The following TRDN variants were observed in gnomAD, a reference collection of about 807,000 sequenced individuals.
TRDN encodes the protein triadin in skeletal muscle.
A neutral mutation model predicts 149.7 loss-of-function variants in TRDN; 161 were observed. That is an observed-to-expected ratio of 1.08 (90% CI 0.95 to 1.23). The LOEUF is 1.23. Ranked by LOEUF, TRDN falls within the 50% of genes most tolerant of loss-of-function variation. TRDN has a pLI of 0.00. For missense variants in TRDN, 896 were observed against 823.5 expected (o/e 1.09, Z -1.08); for synonymous variants, 294 against 250.5 (o/e 1.17, Z -1.64).
intron 27 of TRDN, among the ~76,000 whole-genome samples, chr6:123,273,768 T>G (rs1166082624): frequency 6.6e-6 from 1 of 152,044 alleles, no homozygotes; most frequent in Non-Finnish European, 1.5e-5. Flanking sequence ...TATTCTTGAT[T>G]TGTTGATATT....
At chr6:123,423,265 C>T (rs942329123) in intron 12 of TRDN, among the ~76,000 whole-genome samples, 10 of 152,032 alleles carry the variant, frequency 6.6e-5, no homozygotes, top group Non-Finnish European at 1.5e-4. Context: ...GTTACCCCTG[C>T]TTTTAGTTAT....
At chr6:123,321,709 ATAG>A (rs1779250268) in intron 23 of TRDN, among the ~76,000 whole-genome samples, 1 of 152,076 alleles carries the variant, frequency 6.6e-6, no homozygotes, top group Non-Finnish European at 1.5e-5. Context: ...GTCACTCCAA[ATAG>A]CTTGACTTCA....
chr6:123,395,642 C>T (rs1388674557), intron 12 of TRDN, among the ~76,000 whole-genome samples: 1 of 152,094 alleles, frequency 6.6e-6, no homozygotes, highest in Non-Finnish European at 1.5e-5. Flanking sequence ...AAACAGTCCA[C>T]AAATGCACAC....
At chr6:123,515,384 A>G (rs1408526041) in intron 6 of TRDN, among the ~76,000 whole-genome samples, 1 of 152,116 alleles carries the variant, frequency 6.6e-6, no homozygotes, top group East Asian at 1.9e-4. Flanking sequence ...AACTTTAACA[A>G]TTAACTAGAT....
rs1198281141 is a variant in TRDN at position 123,611,156 on chromosome 6, T to C, written c.22+25598A>G. ...TAGGAACTTCATAATTCCTGTAAAA[T>C]ACTAAAATGTGATTAGTATGCAAAT... On this transcript the variant is annotated intron_variant, in intron 1 of 40. Coordinates refer to ENST00000334268, the MANE Select transcript of TRDN (RefSeq NM_006073.4). 1.3e-5 allele frequency among the ~76,000 whole-genome samples: 2 copies of C among 152,202 alleles called. 1 individual carries two copies. Among genetic ancestry groups the C allele is most frequent in the African/African-American group, 4.8e-5 (2 of 41,458 alleles).
chr6:123,278,261 T>A, intron 26 of TRDN, 57 bp downstream of exon 26: 2 of 1,146,524 alleles, frequency 1.7e-6, no homozygotes, highest in Non-Finnish European at 2.4e-6. Flanking sequence ...AAAGAGATAT[T>A]GTGCTATTTA....
intron 24 of TRDN, among the ~76,000 whole-genome samples, chr6:123,313,917 C>A (rs1778924846): frequency 6.6e-6 from 1 of 151,974 alleles, no homozygotes; most frequent in Admixed American, 6.6e-5. Context: ...AGAGGCAATA[C>A]CATTCAGGAC....
intron 14 of TRDN, among the ~76,000 whole-genome samples, chr6:123,382,426 T>C (rs778502179): frequency 6.6e-6 from 1 of 151,676 alleles, no homozygotes; most frequent in Non-Finnish European, 1.5e-5. Context: ...TATACCCACA[T>C]ATAATTTATA....
At chr6:123,369,459 C>T (rs9320931) in intron 19 of TRDN, among the ~76,000 whole-genome samples, 51,980 of 151,850 alleles carry the variant, frequency 0.34, 9,502 homozygotes, top group East Asian at 0.72. Context: ...GAGCAGTCAT[C>T]GAAGCTGAAG....
At chr6:123,554,508 T>G (rs1157819606) in intron 2 of TRDN, among the ~76,000 whole-genome samples, 1 of 152,184 alleles carries the variant, frequency 6.6e-6, no homozygotes, top group Non-Finnish European at 1.5e-5. Flanking sequence ...TATTTTTGCT[T>G]CTGTTGGTGA....
At position 123,217,475 on chromosome 6, in the gene TRDN, T is replaced by A. The variant is rs1213646021; in HGVS notation, c.*1126A>T. ...TGACTTTTAGAGTTGATAAAAACAATGTAGTAAAGAACACGAGTATTTATA... is the reference window on the plus strand; with the variant it reads ...TGACTTTTAGAGTTGATAAAAACAAAGTAGTAAAGAACACGAGTATTTATA... On this transcript the variant is annotated 3_prime_UTR_variant, in exon 41 of 41. Coordinates refer to ENST00000334268, the MANE Select transcript of TRDN (RefSeq NM_006073.4). The A allele has an allele frequency of 6.6e-6, 1 of 151,876 alleles. No homozygotes were observed. The highest frequency in any genetic ancestry group is 2.1e-4 in the South Asian group (1 of 4,836). The allele number at this position is 151,876 out of a possible 1,614,324, so 9.4% of individuals were successfully genotyped here.
intron 3 of TRDN, 103 bp from the exon 4 acceptor site, chr6:123,547,475 T>C (rs551349971): frequency 4.1e-5 from 28 of 685,208 alleles, no homozygotes; most frequent in Non-Finnish European, 6.0e-5. Context: ...AATCTATTAG[T>C]TTTAACAATC....
At chr6:123,335,541 T>A (rs138489095) in intron 22 of TRDN, among the ~76,000 whole-genome samples, 48 of 152,014 alleles carry the variant, frequency 3.2e-4, no homozygotes, top group African/African-American at 1.1e-3. Flanking sequence ...CTTAATGAAG[T>A]GGTCAGTGTG....
chr6:123,571,229 A>G, intron 1 of TRDN, 97 bp from the exon 2 acceptor site: 1 of 1,293,994 alleles, frequency 7.7e-7, no homozygotes, highest in Non-Finnish European at 1.1e-6. Context: ...ACCTGTTTAT[A>G]CTGCTTTCTA....
rs1030226683 is a variant in TRDN, at chr6:123,267,595, A to C, written c.1783+112T>G. The C allele has an allele frequency of 8.7e-6, 6 of 692,294 alleles. No individual in the cohort carries two copies. In the East Asian group the frequency reaches 1.9e-4, roughly 22 times the overall value. The allele number at this position is 692,294 out of a possible 1,614,324, so 42.9% of individuals were successfully genotyped here. ...AGATTACACTACAAAACCACAGGAC[A>C]ACACATTACCAGGAAACACAGTGAA... On this transcript the variant is annotated intron_variant, in intron 32 of 40. Transcript: ENST00000334268.
Position 123,271,148 on chromosome 6 carries a change from C to G in TRDN, c.1711G>C (p.Glu571Gln). 1 of 1,532,572 alleles carries G rather than the reference C, an allele frequency of 6.5e-7. No individual in the cohort carries two copies. 94.9% of individuals were successfully genotyped at this position (1,532,572 alleles called of 1,614,324 possible). A position where few individuals can be genotyped will look rare whatever the true frequency, so the allele number is the denominator to read the frequency against. Residue 571 changes from glutamate (E) to glutamine (Q), a missense_variant, in exon 30 of 41, where the codon GAA becomes CAA. Physicochemically the swap from Glu to Gln is conservative, Grantham distance 29. Coordinates refer to ENST00000334268, the MANE Select transcript of TRDN (RefSeq NM_006073.4). ...AAAATACCTTATTTACCTGTTTTTT[C>G]TATTGTGACAGCTTTTACCTGCTTG... ...VLKQVKAVTI[E>Q]KTAKPKPTKK...
At position 123,502,407 on chromosome 6, in the gene TRDN, CTT is replaced by C. The variant is rs891250894; in HGVS notation, c.793+1310_793+1311del. On this transcript the variant is annotated intron_variant, in intron 8 of 40. Coordinates refer to ENST00000334268, the MANE Select transcript of TRDN (RefSeq NM_006073.4). Reference sequence around the variant, plus strand: ...TTAGAGCTCCTAAGTTTTAATATGACTTATATCTTAAAATAATAAATTAAAAT... The same window carrying C: ...TTAGAGCTCCTAAGTTTTAATATGACATATCTTAAAATAATAAATTAAAAT... 33 of 607,064 alleles carry C rather than the reference CTT, an allele frequency of 5.4e-5. No individual in the cohort carries two copies. In the Admixed American group the frequency reaches 5.8e-4, roughly 11 times the overall value. The allele number at this position is 607,064 out of a possible 1,614,324, so 37.6% of individuals were successfully genotyped here. A position where few individuals can be genotyped will look rare whatever the true frequency, so the allele number is the denominator to read the frequency against.
chr6:123,626,264 T>C (rs866418800), intron 1 of TRDN, among the ~76,000 whole-genome samples: 2 of 152,044 alleles, frequency 1.3e-5, no homozygotes, highest in Non-Finnish European at 2.9e-5. Flanking sequence ...GGTGGATCCC[T>C]TGAGACCAGG....
intron 5 of TRDN, among the ~76,000 whole-genome samples, chr6:123,522,517 CTTTTTTTTTT>C (rs375665403): frequency 2.1e-4 from 18 of 87,226 alleles, no homozygotes; most frequent in African/African-American, 8.3e-4. Flanking sequence ...TGCGGTTCCT[CTTTTTTTTTT>C]TTTTTTTTTT....
Sources: gnomAD v4.1 joint callset for allele counts (sites outside exome capture counted in the v4.1 genomes callset) on GRCh38, gnomAD v4.1.1 for gene constraint, MANE v1.5 for transcripts, NCBI Gene and HGNC (gene_info 2026-07-23, HGNC 2026-07-21) for gene names.